The following MYLK4 variants were observed in gnomAD, a reference collection of about 807,000 sequenced individuals.
MYLK4 encodes myosin light chain kinase family member 4, also known as caMLCK like.
In MYLK4, 46 loss-of-function variants were observed where a neutral mutation model predicts 48.1. The observed-to-expected ratio is 0.96, with a 90% CI of 0.75 to 1.22. The LOEUF is 1.22. MYLK4 is among the 50% of genes most tolerant of loss of function. The pLI is 0.00. For synonymous variants in MYLK4, 170 were observed against 180.8 expected, an observed-to-expected ratio of 0.94 and a Z score of 0.48; for missense variants, 451 against 486.1, an observed-to-expected ratio of 0.93 and a Z score of 0.68.
intron 8 of MYLK4, among the ~76,000 whole-genome samples, chr6:2,679,716 C>T (rs1220127624): frequency 6.6e-6 from 1 of 152,194 alleles, no homozygotes; most frequent in Non-Finnish European, 1.5e-5. Context: ...TAGTCATTGA[C>T]ATGGGGATGA....
chr6:2,762,633 A>T, the MYLK4 span, among the ~76,000 whole-genome samples: 1 of 152,264 alleles, frequency 6.6e-6, no homozygotes, highest in Admixed American at 6.5e-5. Flanking sequence ...ATGCTCCTGC[A>T]ATAATCCTTA....
the MYLK4 span, chr6:2,765,455 A>T: frequency 1.3e-6 from 1 of 791,760 alleles, no homozygotes; most frequent in Non-Finnish European, 1.7e-6. Context: ...CGGACGCGGG[A>T]GCTGCGGACG....
At chr6:2,737,892 C>A (rs1481921443) in intron 2 of MYLK4, among the ~76,000 whole-genome samples, 1 of 116,986 alleles carries the variant, frequency 8.5e-6, no homozygotes, top group Non-Finnish European at 1.8e-5. Context: ...TTGTTTTGTT[C>A]ATGTAGCTTT....
intron 2 of MYLK4, among the ~76,000 whole-genome samples, chr6:2,711,106 T>C (rs1762656861): frequency 6.6e-6 from 1 of 152,112 alleles, no homozygotes; most frequent in African/African-American, 2.4e-5. Context: ...GGTGGGAACA[T>C]CCTCCTCCGT....
intron 1 of MYLK4, 44 bp downstream of exon 1, chr6:2,750,692 G>A (rs1333023156): frequency 6.6e-6 from 1 of 152,222 alleles, no homozygotes; most frequent in Non-Finnish European, 1.5e-5. Flanking sequence ...TAGAAAAAAG[G>A]GGAGGAGATT....
chr6:2,738,863 C>A lies in MYLK4; in HGVS notation c.159+10273G>T, dbSNP rs1763792402. Among the ~76,000 whole-genome samples the A allele has an allele frequency of 2.0e-5, 3 of 152,250 alleles. No homozygotes were observed. In the South Asian group the frequency reaches 6.2e-4, roughly 32 times the overall value. On this transcript the variant is annotated intron_variant, in intron 2 of 12. Transcript: ENST00000274643. ...ATGTTATTATATATTTGTCCAAACC[C>A]ACAGAATGTGCAGCAACAAGAGTGA...
At chr6:2,721,704 C>G (rs1487017277) in intron 2 of MYLK4, among the ~76,000 whole-genome samples, 1 of 152,184 alleles carries the variant, frequency 6.6e-6, no homozygotes, top group Non-Finnish European at 1.5e-5. Flanking sequence ...GTCTGAACTT[C>G]CCTCCACTTA....
the MYLK4 span, among the ~76,000 whole-genome samples, chr6:2,767,318 G>T: frequency 6.6e-6 from 1 of 152,254 alleles, no homozygotes; most frequent in Non-Finnish European, 1.5e-5. Flanking sequence ...AGAAGAACCA[G>T]CATCAGGAAG....
rs1490982098 is a variant in MYLK4 at position 2,665,474 on chromosome 6, C to T, written c.*2451G>A. The T allele has an allele frequency of 2.0e-5, 3 of 152,238 alleles. No homozygotes were observed. Among genetic ancestry groups the T allele is most frequent in the African/African-American group, 4.8e-5 (2 of 41,462 alleles). The allele number at this position is 152,238 out of a possible 1,614,324, so 9.4% of individuals were successfully genotyped here. On this transcript the variant is annotated 3_prime_UTR_variant, in exon 13 of 13. Coordinates refer to ENST00000274643, the MANE Select transcript of MYLK4 (RefSeq NM_001012418.5). ...TTTAACTACAGAATCAAACAAGATC[C>T]ATTTTCAAAGTACAGTCTCCTTTCT...
At position 2,664,612 on chromosome 6, in the gene MYLK4, C is replaced by T. The variant is rs973644186; in HGVS notation, c.*3313G>A. 1.3e-5 allele frequency: 2 copies of T among 152,204 alleles called. No homozygotes were observed. Among genetic ancestry groups the T allele is most frequent in the African/African-American group, 4.8e-5 (2 of 41,446 alleles). 9.4% of individuals were successfully genotyped at this position (152,204 alleles called of 1,614,324 possible). Reference sequence around the variant, plus strand: ...TAAAAGAGAAAAAAAAATTGCTAAGCTAATTTCCATAAAATGGATAAAAAT... The same window carrying T: ...TAAAAGAGAAAAAAAAATTGCTAAGTTAATTTCCATAAAATGGATAAAAAT... On this transcript the variant is annotated 3_prime_UTR_variant, in exon 13 of 13. Transcript: ENST00000274643.
chr6:2,768,451 AG>A, the MYLK4 span, among the ~76,000 whole-genome samples: 1 of 152,246 alleles, frequency 6.6e-6, no homozygotes, highest in African/African-American at 2.4e-5. Context: ...TTAGGGACAG[AG>A]GAGAAAAGGT....
chr6:2,728,634 A>G (rs939584399), intron 2 of MYLK4, among the ~76,000 whole-genome samples: 1 of 152,176 alleles, frequency 6.6e-6, no homozygotes, highest in Admixed American at 6.5e-5. Context: ...TTGGCACTCC[A>G]GCTGAGGCTG....
intron 2 of MYLK4, among the ~76,000 whole-genome samples, chr6:2,712,391 G>T (rs1268747098): frequency 6.6e-6 from 1 of 152,174 alleles, no homozygotes; most frequent in East Asian, 1.9e-4. Flanking sequence ...CCAGACCCAT[G>T]TGTCTACTTC....
intron 2 of MYLK4, among the ~76,000 whole-genome samples, chr6:2,705,433 A>T (rs1762449725): frequency 6.6e-6 from 1 of 152,176 alleles, no homozygotes; most frequent in South Asian, 2.1e-4. Flanking sequence ...GGGTATACAG[A>T]GTCTGAGTTT....
chr6:2,678,999 G>A (rs1459869327), intron 9 of MYLK4, among the ~76,000 whole-genome samples: 2 of 152,140 alleles, frequency 1.3e-5, no homozygotes, highest in African/African-American at 4.8e-5. Flanking sequence ...ACCGCGCCAG[G>A]CCATGTGAGC....
Position 2,685,503 on chromosome 6 carries a change from T to G in MYLK4, c.415A>C (p.Thr139Pro). Residue 139 changes from threonine (T) to proline (P), a missense_variant, in exon 5 of 13, where the codon ACC becomes CCC. Transcript: ENST00000274643. The surrounding 1 kb of genome is among the most constrained non-coding windows in gnomAD (Gnocchi z 4.5). The stretch of plus-strand genomic sequence containing the variant: ...TGTACCTTGTCCTTCATGCCTCTGG[T>G]CTTGATGATTTTGGCTGCCAGCTTC... ...GLKLAAKIIKTRGMKDKEEVK... is the reference protein window; with the variant it reads ...GLKLAAKIIKPRGMKDKEEVK... 6.2e-7 allele frequency: 1 copy of G among 1,614,028 alleles called. No homozygotes were observed. The highest frequency in any genetic ancestry group is 8.5e-7 in the Non-Finnish European group (1 of 1,179,980).
In MYLK4 at chr6:2,683,069, C is replaced by T. The variant is rs1429578613; in HGVS notation, c.639G>A (p.Glu213=). 4 of 1,614,024 alleles carry T rather than the reference C, an allele frequency of 2.5e-6. No homozygotes were observed. The highest frequency in any genetic ancestry group is 2.7e-5 in the African/African-American group (2 of 74,902). The change falls in exon 7 of 13, where the codon GAG becomes GAA. Residue 213 remains glutamate (E), a synonymous_variant. Coordinates refer to ENST00000274643, the MANE Select transcript of MYLK4 (RefSeq NM_001012418.5). The part of the protein sequence containing the change: ...DTILFMKQIC[E]GIRHMHQMYI... ...ACATCTGATGCATGTGCCTTATCCC[C>T]TCACATATCTGCTTCATGAACAGGA...
intron 2 of MYLK4, among the ~76,000 whole-genome samples, chr6:2,706,295 G>A (rs1431347433): frequency 1.3e-5 from 2 of 151,612 alleles, no homozygotes; most frequent in East Asian, 3.9e-4. Flanking sequence ...ATTAATTTAT[G>A]TTTTGGTATC....
chr6:2,765,246 G>A, the MYLK4 span, among the ~76,000 whole-genome samples: 1 of 141,220 alleles, frequency 7.1e-6, no homozygotes, highest in South Asian at 2.2e-4. Context: ...ATGGACGCAC[G>A]GCAGCTGGGG....
Sources: gnomAD v4.1 joint callset for allele counts (sites outside exome capture counted in the v4.1 genomes callset) on GRCh38, gnomAD v4.1.1 for gene constraint, Gnocchi (gnomAD v3.1) non-coding constraint, MANE v1.5 for transcripts, NCBI Gene and HGNC (gene_info 2026-07-23, HGNC 2026-07-21) for gene names.